DMRT1: variants seen among roughly 807,000 people sequenced by gnomAD.
DMRT1 encodes doublesex- and mab-3-related transcription factor 1.
In DMRT1, 7 loss-of-function variants were observed where a neutral mutation model predicts 32.3. The ratio of observed to expected loss-of-function variants is 0.22; its 90% CI spans 0.12 to 0.41. The LOEUF (loss-of-function observed/expected upper bound fraction) is 0.41. Ranked by LOEUF, DMRT1 falls within the 10% of genes least tolerant of loss-of-function variation. DMRT1 has a pLI of 1.00. For synonymous variants in DMRT1, 278 were observed against 206.1 expected, an observed-to-expected ratio of 1.35 and a Z score of -2.99; for missense variants, 625 against 500.5, an observed-to-expected ratio of 1.25 and a Z score of -2.37.
chr9:863,590 A>C (rs1401026985), intron 2 of DMRT1, among the ~76,000 whole-genome samples: 1 of 152,122 alleles, frequency 6.6e-6, no homozygotes, highest in African/African-American at 2.4e-5. Flanking sequence ...CATCTAACTG[A>C]TTGAGCAAAG....
chr9:926,644 G>A (rs769191859), intron 4 of DMRT1, among the ~76,000 whole-genome samples: 1 of 151,518 alleles, frequency 6.6e-6, no homozygotes, highest in Non-Finnish European at 1.5e-5. Flanking sequence ...CTACACAGAG[G>A]TTTTCATTTT....
chr9:912,584 G>T (rs1013854735), intron 3 of DMRT1, among the ~76,000 whole-genome samples: 3 of 152,084 alleles, frequency 2.0e-5, no homozygotes, highest in Non-Finnish European at 4.4e-5. Flanking sequence ...TCCAGTAAGC[G>T]TTAGTTAAAA....
intron 2 of DMRT1, among the ~76,000 whole-genome samples, chr9:875,134 G>A (rs2006898): frequency 0.31 from 47,710 of 151,990 alleles, 8,554 homozygotes; most frequent in Non-Finnish European, 0.4. Flanking sequence ...AAACCTGTAT[G>A]TTTGTAGGAG....
chr9:865,121 T>C (rs567361100), intron 2 of DMRT1, among the ~76,000 whole-genome samples: 3 of 152,374 alleles, frequency 2.0e-5, no homozygotes, highest in African/African-American at 7.2e-5. Context: ...ATTGTCATTA[T>C]TCCTGCATGA....
At chr9:885,430 G>A (rs1033637464) in intron 2 of DMRT1, among the ~76,000 whole-genome samples, 1 of 152,166 alleles carries the variant, frequency 6.6e-6, no homozygotes, top group African/African-American at 2.4e-5. Flanking sequence ...AAAGGAGATG[G>A]TTTTCCCCTG....
intron 2 of DMRT1, among the ~76,000 whole-genome samples, chr9:891,554 G>A (rs903110487): frequency 1.4e-4 from 21 of 147,668 alleles, no homozygotes; most frequent in African/African-American, 5.0e-4. Context: ...TTGCTCTGTC[G>A]CCCAGGCTGG....
chr9:916,024 C>T (rs981484325), intron 3 of DMRT1, among the ~76,000 whole-genome samples: 1 of 152,144 alleles, frequency 6.6e-6, no homozygotes, highest in Non-Finnish European at 1.5e-5. Flanking sequence ...TGAGCCACTG[C>T]GTCCAGCCTA....
chr9:913,796 C>T (rs1818074252), intron 3 of DMRT1, among the ~76,000 whole-genome samples: 2 of 151,986 alleles, frequency 1.3e-5, no homozygotes, highest in Non-Finnish European at 2.9e-5. Flanking sequence ...AGGAGGCTGA[C>T]GCAGGAGAAT....
chr9:869,295 A>G (rs1040448718), intron 2 of DMRT1, among the ~76,000 whole-genome samples: 1 of 152,176 alleles, frequency 6.6e-6, no homozygotes, highest in Non-Finnish European at 1.5e-5. Flanking sequence ...GGTGGATGGC[A>G]TAGAAATAAA....
rs767040634 is a variant in DMRT1 at position 934,558 on chromosome 9, A to G, written c.967+17651A>G. Among the ~76,000 whole-genome samples, 13 of 152,320 alleles carry G rather than the reference A, an allele frequency of 8.5e-5. No individual in the cohort carries two copies. In the Middle Eastern group the frequency reaches 0.014, roughly 159 times the overall value. On this transcript the variant is annotated intron_variant, in intron 4 of 4. Coordinates refer to ENST00000382276, the MANE Select transcript of DMRT1 (RefSeq NM_021951.3). ...AAATTAAAAAATTTAAAAATTTTAA[A>G]AAGAGAAGTCATTGCCAAATCTGTG...
chr9:891,452 A>C (rs549290159), intron 2 of DMRT1, among the ~76,000 whole-genome samples: 1 of 145,278 alleles, frequency 6.9e-6, no homozygotes, highest in Non-Finnish European at 1.5e-5. Context: ...CCCTGTCTCA[A>C]ATAAGTAAAT....
intron 4 of DMRT1, among the ~76,000 whole-genome samples, chr9:958,400 T>C (rs1819665114): frequency 6.6e-6 from 1 of 152,246 alleles, no homozygotes; most frequent in South Asian, 2.1e-4. Flanking sequence ...GGAGTCTTGC[T>C]CTGTCACTGA....
intron 3 of DMRT1, among the ~76,000 whole-genome samples, chr9:906,731 G>C (rs1343445398): frequency 6.6e-6 from 1 of 152,206 alleles, no homozygotes; most frequent in Non-Finnish European, 1.5e-5. Flanking sequence ...TCCAGAAGTA[G>C]AGACAATGCG....
chr9:945,494 C>T (rs531533592), intron 4 of DMRT1, among the ~76,000 whole-genome samples: 1 of 152,110 alleles, frequency 6.6e-6, no homozygotes. Context: ...TCAGCCATTT[C>T]GTACTTTCAT....
chr9:967,737 G>T lies in DMRT1; in HGVS notation c.968-248G>T, dbSNP rs1267187274. 2.6e-5 allele frequency among the ~76,000 whole-genome samples: 4 copies of T among 152,140 alleles called. No homozygotes were observed. The East Asian group carries it at 5.8e-4, about 22-fold the overall frequency. ...TTTGTTTTTTAATGAACGTTAAACTGGAACTCTGCTATCTAGCTTACTCCT... is the reference window on the plus strand; with the variant it reads ...TTTGTTTTTTAATGAACGTTAAACTTGAACTCTGCTATCTAGCTTACTCCT... On this transcript the variant is annotated intron_variant, in intron 4 of 4. Transcript: ENST00000382276.
intron 3 of DMRT1, among the ~76,000 whole-genome samples, chr9:915,814 G>C (rs1026098319): frequency 4.6e-5 from 7 of 151,712 alleles, no homozygotes; most frequent in Non-Finnish European, 1.0e-4. Context: ...CTCAGTACAA[G>C]CTCTGCCTCC....
At chr9:851,339 G>T in intron 2 of DMRT1, among the ~76,000 whole-genome samples, 1 of 152,062 alleles carries the variant, frequency 6.6e-6, no homozygotes, top group East Asian at 1.9e-4. Context: ...CCCGGGCTCA[G>T]ACGATTCTCT....
intron 4 of DMRT1, among the ~76,000 whole-genome samples, chr9:927,539 A>G (rs1393552270): frequency 6.6e-6 from 1 of 152,212 alleles, no homozygotes; most frequent in Admixed American, 6.5e-5. Context: ...AAATTGAGTT[A>G]TGTCAGAATT....
intron 2 of DMRT1, among the ~76,000 whole-genome samples, chr9:892,501 C>T (rs1336543661): frequency 1.3e-5 from 2 of 152,192 alleles, no homozygotes; most frequent in Non-Finnish European, 2.9e-5. Context: ...CCCCTCAGCC[C>T]TCCAGTTCTG....
Sources: gnomAD v4.1 joint callset for allele counts (sites outside exome capture counted in the v4.1 genomes callset) on GRCh38, gnomAD v4.1.1 for gene constraint, MANE v1.5 for transcripts, NCBI Gene and HGNC (gene_info 2026-07-23, HGNC 2026-07-21) for gene names.